Variants in TBCK observed in about 807,000 individuals in gnomAD.
TBCK encodes the protein TBC domain-containing protein kinase-like protein.
Under a neutral mutation model 113.4 loss-of-function variants are expected in TBCK, and 99 were observed. That is an observed-to-expected ratio of 0.87 (90% CI 0.74 to 1.03). TBCK has a LOEUF of 1.03. Ranked by LOEUF, TBCK falls within the 50% of genes least tolerant of loss-of-function variation. The probability of loss-of-function intolerance (pLI) is 0.00; values close to 1 mark genes in which losing one functional copy is unlikely to be tolerated. For synonymous variants in TBCK, 369 were observed against 370.8 expected (o/e 1.00, Z 0.05); for missense variants, 1,045 against 1,061.3 (o/e 0.98, Z 0.21).
chr4:106,312,767 A>G (rs1768336795), intron 1 of TBCK, among the ~76,000 whole-genome samples: 1 of 152,244 alleles, frequency 6.6e-6, no homozygotes, highest in South Asian at 2.1e-4. Flanking sequence ...TGGAACAAAC[A>G]TGTCAAAACA....
At chr4:106,048,551 C>G (rs1444308350) in intron 25 of TBCK, among the ~76,000 whole-genome samples, 1 of 152,062 alleles carries the variant, frequency 6.6e-6, no homozygotes, top group Non-Finnish European at 1.5e-5. Flanking sequence ...ATTCATCTGC[C>G]TGAGTCATGT....
Position 106,197,411 on chromosome 4 carries a change from G to GTGTATATATATATATATA in TBCK, c.1861-2658_1861-2657insTATATATATATATATACA, listed in dbSNP as rs35695611. 8.2e-4 allele frequency among the ~76,000 whole-genome samples: 100 copies of GTGTATATATATATATATA among 122,460 alleles called. 2 individuals carry two copies. Among genetic ancestry groups the GTGTATATATATATATATA allele is most frequent in the South Asian group, 2.9e-3 (10 of 3,404 alleles). 80.3% of individuals were successfully genotyped at this position (122,460 alleles called of 152,430 possible). Reference sequence around the variant, plus strand: ...AGTGTGTGTGTGTGTGTGTGTGTGTGTATATATATATATATATATATAATA... The same window carrying GTGTATATATATATATATA: ...AGTGTGTGTGTGTGTGTGTGTGTGTGTGTATATATATATATATATATATATATATATATATATATAATA... On this transcript the variant is annotated intron_variant, in intron 20 of 25. Transcript: ENST00000394708.
intron 11 of TBCK, among the ~76,000 whole-genome samples, chr4:106,243,370 C>G (rs1454997963): frequency 6.6e-6 from 1 of 151,926 alleles, no homozygotes; most frequent in Non-Finnish European, 1.5e-5. Context: ...TGGATAGTAA[C>G]CTCATAGAAG....
intron 22 of TBCK, among the ~76,000 whole-genome samples, chr4:106,186,589 T>C (rs182819494): frequency 6.6e-6 from 1 of 152,334 alleles, no homozygotes; most frequent in African/African-American, 2.4e-5. Context: ...CATTTGTGTT[T>C]TCCTTGTTGG....
intron 23 of TBCK, among the ~76,000 whole-genome samples, chr4:106,132,332 C>G (rs1336328740): frequency 6.6e-6 from 1 of 152,244 alleles, no homozygotes; most frequent in East Asian, 1.9e-4. Context: ...AGCTCCAGCC[C>G]TGGCTAAAGG....
At chr4:106,127,847 A>G (rs1415251729) in intron 23 of TBCK, among the ~76,000 whole-genome samples, 2 of 152,160 alleles carry the variant, frequency 1.3e-5, no homozygotes, top group Non-Finnish European at 2.9e-5. Context: ...AATTCTCATG[A>G]TATAATAACT....
In TBCK at chr4:106,042,766, T is replaced by C. The variant is rs1332690504; in HGVS notation, c.*3804A>G. On this transcript the variant is annotated 3_prime_UTR_variant, in exon 26 of 26. Transcript: ENST00000394708. ...TGTGTCCTCTAAAAGTTTTATATAA[T>C]TCATTGTTTTCCTTTTAAAGTGCAC... The C allele has an allele frequency of 2.6e-5, 4 of 152,190 alleles. No homozygotes were observed. Among genetic ancestry groups the C allele is most frequent in the Non-Finnish European group, 5.9e-5 (4 of 68,034 alleles). 9.4% of individuals were successfully genotyped at this position (152,190 alleles called of 1,614,324 possible).
intron 23 of TBCK, among the ~76,000 whole-genome samples, chr4:106,130,738 T>G (rs1250706932): frequency 6.6e-6 from 1 of 152,146 alleles, no homozygotes; most frequent in African/African-American, 2.4e-5. Flanking sequence ...GAGCTACTTT[T>G]GAATAATTAA....
chr4:106,315,311 TAG>T (rs1768682883), intron 1 of TBCK, among the ~76,000 whole-genome samples: 1 of 152,154 alleles, frequency 6.6e-6, no homozygotes, highest in South Asian at 2.1e-4. Flanking sequence ...TCAAAGAACT[TAG>T]AGTTTTAAAC....
intron 23 of TBCK, among the ~76,000 whole-genome samples, chr4:106,125,759 T>A (rs985377777): frequency 2.0e-5 from 3 of 151,980 alleles, no homozygotes; most frequent in African/African-American, 7.2e-5. Flanking sequence ...GGTGGTGTTG[T>A]GGGAGATGGG....
intron 25 of TBCK, among the ~76,000 whole-genome samples, chr4:106,078,061 T>C (rs1267336856): frequency 6.6e-6 from 1 of 152,122 alleles, no homozygotes; most frequent in Non-Finnish European, 1.5e-5. Flanking sequence ...ATAACAAAAT[T>C]AAGGCAGAAA....
chr4:106,231,168 G>A (rs1178136518), intron 18 of TBCK, among the ~76,000 whole-genome samples: 3 of 151,188 alleles, frequency 2.0e-5, no homozygotes, highest in African/African-American at 7.3e-5. Context: ...GGAGTTAATC[G>A]AATTTAGTAT....
chr4:106,219,821 C>T (rs1757460206), intron 19 of TBCK, among the ~76,000 whole-genome samples: 1 of 151,966 alleles, frequency 6.6e-6, no homozygotes, highest in South Asian at 2.1e-4. Flanking sequence ...TTACAGGTGA[C>T]AACCTCATTT....
At chr4:106,147,484 T>C (rs1336208652) in intron 23 of TBCK, among the ~76,000 whole-genome samples, 1 of 152,182 alleles carries the variant, frequency 6.6e-6, no homozygotes, top group Non-Finnish European at 1.5e-5. Context: ...GAACGTGGAT[T>C]GTGAAGATTT....
intron 22 of TBCK, among the ~76,000 whole-genome samples, chr4:106,173,705 T>C (rs1751299931): frequency 6.6e-6 from 1 of 152,102 alleles, no homozygotes; most frequent in Admixed American, 6.6e-5. Flanking sequence ...TATCTCATTT[T>C]CCATTTCACT....
At chr4:106,061,758 T>A (rs569647021) in intron 25 of TBCK, among the ~76,000 whole-genome samples, 1 of 151,694 alleles carries the variant, frequency 6.6e-6, no homozygotes, top group South Asian at 2.1e-4. Context: ...TCCGTTATCC[T>A]TTCCTTAATC....
At chr4:106,244,224 T>C (rs1482465438) in intron 11 of TBCK, among the ~76,000 whole-genome samples, 1 of 152,142 alleles carries the variant, frequency 6.6e-6, no homozygotes, top group African/African-American at 2.4e-5. Context: ...TCATTTACAT[T>C]TACAAGTATA....
intron 3 of TBCK, among the ~76,000 whole-genome samples, chr4:106,289,715 C>T (rs1765479422): frequency 6.6e-6 from 1 of 150,830 alleles, no homozygotes; most frequent in African/African-American, 2.4e-5. Context: ...TTGCAGTGAG[C>T]CGAGATCATG....
Position 106,190,812 on chromosome 4 carries a change from C to G in TBCK, c.2059+2797G>C, listed in dbSNP as rs957435530. Among the ~76,000 whole-genome samples, 3 of 152,148 alleles carry G rather than the reference C, an allele frequency of 2.0e-5. No individual in the cohort carries two copies. In the South Asian group the frequency reaches 6.2e-4, roughly 32 times the overall value. On this transcript the variant is annotated intron_variant, in intron 22 of 25. Transcript: ENST00000394708. ...CTGGAGTGCAGAGGCGCCATGTCGG[C>G]TCACTGCAAGCTCCGCCTCCTGGGT...
Sources: allele counts gnomAD v4.1 joint callset (sites outside exome capture counted in the v4.1 genomes callset), GRCh38; gene constraint gnomAD v4.1.1; transcripts MANE v1.5; gene names NCBI Gene and HGNC (gene_info 2026-07-23, HGNC 2026-07-21).